The following FNBP1 variants were observed in gnomAD, a reference collection of about 807,000 sequenced individuals.
FNBP1 encodes the protein formin binding protein 1.
Under a neutral mutation model 90.6 loss-of-function variants are expected in FNBP1, and 26 were observed. The ratio of observed to expected loss-of-function variants is 0.29; its 90% confidence interval spans 0.21 to 0.40. The LOEUF (loss-of-function observed/expected upper bound fraction) is 0.40. FNBP1 is among the 10% of genes least tolerant of loss of function. FNBP1 has a pLI of 1.00. For synonymous variants in FNBP1, 260 were observed against 265.2 expected, an observed-to-expected ratio of 0.98 and a Z score of 0.19; for missense variants, 635 against 768.0, an observed-to-expected ratio of 0.83 and a Z score of 2.05.
upstream of FNBP1, among the ~76,000 whole-genome samples, chr9:130,046,545 C>A (rs1202357062): frequency 1.5e-5 from 2 of 132,420 alleles, no homozygotes; most frequent in African/African-American, 5.7e-5. Context: ...ACCAGCCTAG[C>A]CAACATAGTG....
rs1214635560 is a variant in FNBP1, at chr9:130,041,106, G to A, written c.24+1846C>T. On this transcript the variant is annotated intron_variant, in intron 1 of 16. Coordinates refer to ENST00000446176, the MANE Select transcript of FNBP1 (RefSeq NM_015033.3). This position sits in a 1 kb window ranked among gnomAD's most constrained non-coding sequence, Gnocchi z 4.3. The stretch of plus-strand genomic sequence containing the variant: ...CCCGACTCAGCCTCCCAAGGTGCTG[G>A]CAATATAGGCCTGAGCCACTGCGCC... Among the ~76,000 whole-genome samples, 6 of 151,176 alleles carry A rather than the reference G, an allele frequency of 4.0e-5. No homozygotes were observed. The East Asian group carries it at 1.2e-3, about 29-fold the overall frequency.
intron 2 of FNBP1, 143 bp from the exon 3 acceptor site, chr9:129,979,517 C>T (rs1351544684): frequency 1.6e-6 from 1 of 611,976 alleles, no homozygotes; most frequent in African/African-American, 1.8e-5. Flanking sequence ...TTCAATCTTT[C>T]AACATGTGTG....
intron 7 of FNBP1, among the ~76,000 whole-genome samples, chr9:129,927,749 CA>C (rs2042123805): frequency 6.7e-6 from 1 of 149,394 alleles, no homozygotes; most frequent in Non-Finnish European, 1.5e-5. Context: ...GCTGGGATTA[CA>C]GGCCCCACCC....
rs572073246 is a variant in FNBP1, at chr9:129,984,990, A to G, written c.141-5616T>C. 9.2e-5 allele frequency among the ~76,000 whole-genome samples: 14 copies of G among 152,270 alleles called. No homozygotes were observed. The South Asian group carries it at 2.9e-3, about 32-fold the overall frequency. ...AGCGTGAAAATGGACTAATACAATT[A>G]GGGCAATCTTTGACCTAATGGCGTA... On this transcript the variant is annotated intron_variant, in intron 2 of 16. Coordinates refer to ENST00000446176, the MANE Select transcript of FNBP1 (RefSeq NM_015033.3).
At position 129,927,347 on chromosome 9, in the gene FNBP1, A is replaced by G; in HGVS notation, c.643-6T>C. The G allele has an allele frequency of 6.2e-7, 1 of 1,607,838 alleles. No homozygotes were observed. The highest frequency in any genetic ancestry group is 8.5e-7 in the Non-Finnish European group (1 of 1,176,178). On this transcript the variant is annotated splice_region_variant and splice_polypyrimidine_tract_variant and intron_variant, in intron 7 of 16. Transcript: ENST00000446176. ...TCCTCCATCTCTTGTATTTTCTGCA[A>G]CATTAGATTTTGTATAAAGTAAGTT...
intron 6 of FNBP1, among the ~76,000 whole-genome samples, chr9:129,946,244 A>G (rs1274617029): frequency 3.3e-5 from 5 of 152,192 alleles, no homozygotes; most frequent in African/African-American, 1.2e-4. Context: ...TAATTCATAA[A>G]TAACTCAGGA....
rs908243206 is a variant in FNBP1, at chr9:129,888,268, G to A, written c.*2271C>T. ...AAAGATGTGACGCACATGCATTCCCGAGGCTCTAAAATCCCATTTTAAAGA... is the reference window on the plus strand; with the variant it reads ...AAAGATGTGACGCACATGCATTCCCAAGGCTCTAAAATCCCATTTTAAAGA... On this transcript the variant is annotated 3_prime_UTR_variant, in exon 17 of 17. Transcript: ENST00000446176. 1 of 232,482 alleles carries A rather than the reference G, an allele frequency of 4.3e-6. No homozygotes were observed. 14.4% of individuals were successfully genotyped at this position (232,482 alleles called of 1,614,324 possible).
rs970063676 is a variant in FNBP1 at position 129,949,287 on chromosome 9, A to G, written c.513+8073T>C. The stretch of plus-strand genomic sequence containing the variant: ...CCTTGAGTTTTCCCTGCCAATAAAA[A>G]TTGTTCAATTAAGCTGATTTCCTCT... On this transcript the variant is annotated intron_variant, in intron 6 of 16. Coordinates refer to ENST00000446176, the MANE Select transcript of FNBP1 (RefSeq NM_015033.3). Among the ~76,000 whole-genome samples, 3 of 152,318 alleles carry G rather than the reference A, an allele frequency of 2.0e-5. No individual in the cohort carries two copies. In the East Asian group the frequency reaches 5.8e-4, roughly 29 times the overall value.
intron 1 of FNBP1, among the ~76,000 whole-genome samples, chr9:130,029,474 T>C (rs1198624694): frequency 2.0e-5 from 3 of 152,148 alleles, no homozygotes; most frequent in South Asian, 2.1e-4. Context: ...GAATAAGTCA[T>C]TACTAGAAAA....
the FNBP1 span, among the ~76,000 whole-genome samples, chr9:130,051,327 A>G: frequency 3.9e-5 from 6 of 152,332 alleles, no homozygotes; most frequent in Admixed American, 3.3e-4. Context: ...ATGAGACACC[A>G]GCCAGGCCTA....
Position 129,908,936 on chromosome 9 carries a change from T to G in FNBP1, c.1249A>C (p.Lys417Gln). ...PEQRRKKLQQ[K>Q]VDELNKEIQK... ...ATTTCTTTATTTAACTCATCGACTT[T>G]CTGCTGCAGCTTTTTCCTTCTTTGT... The change falls in exon 12 of 17, where the codon AAA (lysine) becomes CAA (glutamine). Residue 417 changes from lysine (K) to glutamine (Q), a missense_variant. Lys to Gln is a moderately conservative substitution (Grantham distance 53, BLOSUM62 1). Transcript: ENST00000446176. 1 of 1,613,778 alleles carries G rather than the reference T, an allele frequency of 6.2e-7. No individual in the cohort carries two copies. The highest frequency in any genetic ancestry group is 8.5e-7 in the Non-Finnish European group (1 of 1,179,796).
intron 6 of FNBP1, among the ~76,000 whole-genome samples, chr9:129,930,242 TTG>T (rs746318231): frequency 1.3e-5 from 2 of 151,912 alleles, no homozygotes; most frequent in Non-Finnish European, 2.9e-5. Flanking sequence ...TGTATTTTTT[TTG>T]TAGATAGGAG....
intron 1 of FNBP1, among the ~76,000 whole-genome samples, chr9:130,034,305 T>C (rs778306620): frequency 1.0e-5 from 1 of 96,798 alleles, no homozygotes; most frequent in African/African-American, 3.6e-5. Flanking sequence ...AGAGCAAGAC[T>C]CCATCTCAAA....
intron 15 of FNBP1, among the ~76,000 whole-genome samples, chr9:129,898,132 G>A (rs947732488): frequency 1.3e-4 from 20 of 151,890 alleles, no homozygotes; most frequent in African/African-American, 4.6e-4. Flanking sequence ...GCCCGGCCTG[G>A]GCTAGTCTTT....
Position 129,929,614 on chromosome 9 carries a change from G to A in FNBP1, c.595C>T (p.His199Tyr), listed in dbSNP as rs1588628569. 1.9e-6 allele frequency: 3 copies of A among 1,613,684 alleles called. No homozygotes were observed. The highest frequency in any genetic ancestry group is 1.3e-5 in the African/African-American group (1 of 75,018). Residue 199 changes from histidine (H) to tyrosine (Y), a missense_variant, in exon 7 of 17, where the codon CAT (histidine) becomes TAT (tyrosine). Transcript: ENST00000446176. ...GTATGGTAATATTCATGCTGCTCAT[G>A]GTTGAATTTCTGGAGAATGGATGAG... The part of the protein sequence containing the change: ...DYSSILQKFN[H>Y]EQHEYYHTHI...
intron 10 of FNBP1, 66 bp from the exon 11 acceptor site, chr9:129,916,046 A>G: frequency 8.5e-7 from 1 of 1,175,226 alleles, no homozygotes; most frequent in Non-Finnish European, 1.3e-6. Flanking sequence ...GAGAAAAAAA[A>G]ACAACAACAC....
At chr9:130,006,541 G>T (rs1405722989) in intron 1 of FNBP1, among the ~76,000 whole-genome samples, 1 of 150,480 alleles carries the variant, frequency 6.6e-6, no homozygotes, top group African/African-American at 2.4e-5. Flanking sequence ...ATGGTGGCAG[G>T]CGCCTGTAAT....
intron 16 of FNBP1, among the ~76,000 whole-genome samples, chr9:129,893,760 C>CA (rs1668757546): frequency 2.0e-5 from 3 of 149,438 alleles, no homozygotes. Context: ...ACTAAAAATA[C>CA]AAAAAATTAG....
intron 6 of FNBP1, among the ~76,000 whole-genome samples, chr9:129,949,833 T>C (rs1270637948): frequency 6.6e-6 from 1 of 152,100 alleles, no homozygotes; most frequent in African/African-American, 2.4e-5. Context: ...AAATCAGGCT[T>C]ATACCCAGGA....
Sources: allele counts gnomAD v4.1 joint callset (sites outside exome capture counted in the v4.1 genomes callset), GRCh38; gene constraint gnomAD v4.1.1; non-coding constraint Gnocchi (gnomAD v3.1); transcripts MANE v1.5; gene names NCBI Gene and HGNC (gene_info 2026-07-23, HGNC 2026-07-21).